PAM: variants seen among roughly 807,000 people sequenced by gnomAD.
PAM encodes the protein peptidylglycine alpha-amidating monooxygenase.
Under a neutral mutation model 122.1 loss-of-function variants are expected in PAM, and 72 were observed. The observed-to-expected ratio is 0.59, with a 90% CI of 0.49 to 0.72. The LOEUF (loss-of-function observed/expected upper bound fraction) is 0.72, where lower values mean the gene tolerates loss of function less well. Ranked by LOEUF, PAM falls within the 30% of genes least tolerant of loss-of-function variation. The pLI is 0.00. For synonymous variants in PAM, 389 were observed against 404.4 expected (o/e 0.96, Z 0.46); for missense variants, 1,106 against 1,183.7 (o/e 0.93, Z 0.96).
chr5:102,790,227 A>G (rs1449171363), intron 1 of PAM, among the ~76,000 whole-genome samples: 4 of 152,118 alleles, frequency 2.6e-5, no homozygotes, highest in African/African-American at 9.6e-5. Flanking sequence ...TAATTAAAAC[A>G]TGTCCTGTCC....
chr5:102,865,401 TTTTTG>T (rs1785254671), intron 1 of PAM: 1 of 152,302 alleles, frequency 6.6e-6, no homozygotes, highest in African/African-American at 2.4e-5. Flanking sequence ...CTCTCTTCGT[TTTTTG>T]TTTTGTTTTT....
At chr5:102,875,867 C>T (rs1022432340) in intron 3 of PAM, among the ~76,000 whole-genome samples, 1 of 152,176 alleles carries the variant, frequency 6.6e-6, no homozygotes, top group African/African-American at 2.4e-5. Flanking sequence ...CTGATAGAAA[C>T]AATTGAATAT....
intron 16 of PAM, among the ~76,000 whole-genome samples, chr5:103,002,048 C>A (rs1034555467): frequency 5.9e-5 from 9 of 151,414 alleles, no homozygotes; most frequent in African/African-American, 7.3e-5. Context: ...ACACACACAC[C>A]CCCCTCAACT....
chr5:102,932,886 T>C (rs909583170), intron 7 of PAM, among the ~76,000 whole-genome samples: 10 of 152,268 alleles, frequency 6.6e-5, no homozygotes, highest in Non-Finnish European at 1.3e-4. Flanking sequence ...AGTTTTTCCA[T>C]GTAACTGGGC....
chr5:102,822,110 C>T (rs1247913686), intron 1 of PAM, among the ~76,000 whole-genome samples: 1 of 152,154 alleles, frequency 6.6e-6, no homozygotes, highest in African/African-American at 2.4e-5. Flanking sequence ...TTGTCAGGCA[C>T]AGCTCCTACC....
At chr5:102,830,477 A>G (rs1487390140) in intron 1 of PAM, among the ~76,000 whole-genome samples, 1 of 152,130 alleles carries the variant, frequency 6.6e-6, no homozygotes. Flanking sequence ...AGGGTTTTTC[A>G]TATAGAACTT....
At chr5:102,950,416 G>GTGTGTGTGTGTGTGTGTGTGTGTGTGT (rs1758418594) in intron 11 of PAM, among the ~76,000 whole-genome samples, 1 of 145,966 alleles carries the variant, frequency 6.9e-6, no homozygotes, top group African/African-American at 2.6e-5. Flanking sequence ...TATGTGGGTG[G>GTGTGTGTGTGTGTGTGTGTGTGTGTGT]GTGTGTGTGT....
chr5:102,923,120 TA>T (rs1197405629), intron 5 of PAM, among the ~76,000 whole-genome samples: 10 of 152,248 alleles, frequency 6.6e-5, no homozygotes, highest in Admixed American at 2.6e-4. Context: ...CTTTGCTAAG[TA>T]TAACCTTATC....
At chr5:102,784,734 G>T (rs1006975684) in intron 1 of PAM, among the ~76,000 whole-genome samples, 1 of 152,116 alleles carries the variant, frequency 6.6e-6, no homozygotes, top group Admixed American at 6.5e-5. Context: ...AGTCACTGGC[G>T]GGCATTTACT....
At chr5:102,887,588 T>C (rs1190835401) in intron 3 of PAM, among the ~76,000 whole-genome samples, 1 of 152,022 alleles carries the variant, frequency 6.6e-6, no homozygotes, top group Non-Finnish European at 1.5e-5. Context: ...AAATTTATAG[T>C]GTAGTAAATA....
chr5:102,955,902 G>A (rs1006537955), intron 12 of PAM, among the ~76,000 whole-genome samples: 19 of 151,960 alleles, frequency 1.3e-4, no homozygotes, highest in Admixed American at 2.6e-4. Flanking sequence ...TGAATGAAAG[G>A]TGAATGATTG....
In PAM at chr5:102,773,943, C is replaced by G. The variant is rs150293855; in HGVS notation, c.-374+18595C>G. On this transcript the variant is annotated intron_variant, in intron 1 of 25. Transcript: ENST00000438793. ...TTCATAGTTCTTATCATTTAGCCCC[C>G]ACTTATAAGTGAGAACATAAGGTAT... 5.8e-3 allele frequency among the ~76,000 whole-genome samples: 876 copies of G among 152,168 alleles called. 9 individuals are homozygous for G. The highest frequency in any genetic ancestry group is 0.02 in the African/African-American group (830 of 41,524).
chr5:102,953,270 A>G (rs1265954241), intron 12 of PAM, among the ~76,000 whole-genome samples: 1 of 152,170 alleles, frequency 6.6e-6, no homozygotes, highest in Non-Finnish European at 1.5e-5. Flanking sequence ...TTAAAATACC[A>G]CGATGTAAAA....
chr5:102,914,465 A>G (rs977743782), intron 5 of PAM, among the ~76,000 whole-genome samples: 3 of 152,132 alleles, frequency 2.0e-5, no homozygotes, highest in African/African-American at 7.2e-5. Context: ...ATTGTTATAC[A>G]GTATATGTCC....
chr5:103,025,103 A>C (rs1422992319), intron 23 of PAM, 28 bp from the exon 24 acceptor site: 2 of 1,537,952 alleles, frequency 1.3e-6, no homozygotes, highest in Non-Finnish European at 1.8e-6. Context: ...GAGTCAGTTG[A>C]ATATTGTGAA....
intron 16 of PAM, among the ~76,000 whole-genome samples, chr5:102,999,134 A>G (rs1776601590): frequency 6.6e-6 from 1 of 152,190 alleles, no homozygotes; most frequent in Non-Finnish European, 1.5e-5. Flanking sequence ...GCATGGGGTA[A>G]CCACCCCCAT....
chr5:102,875,487 C>T (rs1314905332), intron 3 of PAM, among the ~76,000 whole-genome samples: 1 of 152,142 alleles, frequency 6.6e-6, no homozygotes, highest in African/African-American at 2.4e-5. Context: ...GGCCACTGTG[C>T]CCAGCCCATC....
At chr5:102,970,476 AGAGT>A (rs1299351122) in intron 14 of PAM, among the ~76,000 whole-genome samples, 1 of 152,162 alleles carries the variant, frequency 6.6e-6, no homozygotes, top group Non-Finnish European at 1.5e-5. Flanking sequence ...ATGTTAGAGG[AGAGT>A]CTCTCCCCAC....
chr5:103,023,262 C>T (rs1242779460), intron 23 of PAM, among the ~76,000 whole-genome samples: 1 of 151,988 alleles, frequency 6.6e-6, no homozygotes, highest in African/African-American at 2.4e-5. Flanking sequence ...TAGATATGAC[C>T]TAGTATACCC....
Sources: allele counts gnomAD v4.1 joint callset (sites outside exome capture counted in the v4.1 genomes callset), GRCh38; gene constraint gnomAD v4.1.1; transcripts MANE v1.5; gene names NCBI Gene and HGNC (gene_info 2026-07-23, HGNC 2026-07-21).